The following ACTA2 variants were observed in gnomAD, a reference collection of about 807,000 sequenced individuals.
The protein encoded by ACTA2 is actin alpha 2, smooth muscle, also known as actin, aortic smooth muscle.
A neutral mutation model predicts 39.5 loss-of-function variants in ACTA2; 12 were observed. That is an observed-to-expected ratio of 0.30 (90% CI 0.19 to 0.49). The LOEUF is 0.49. Ranked by LOEUF, ACTA2 falls within the 20% of genes least tolerant of loss-of-function variation. The probability of loss-of-function intolerance (pLI) is 0.99; values close to 1 mark genes in which losing one functional copy is unlikely to be tolerated. For missense variants in ACTA2, 236 were observed against 498.8 expected, an observed-to-expected ratio of 0.47 and a Z score of 5.02; for synonymous variants, 158 against 180.6, an observed-to-expected ratio of 0.88 and a Z score of 1.00.
At chr10:88,948,339 T>G in intron 2 of ACTA2, 1 of 173,630 alleles carries the variant, frequency 5.8e-6, no homozygotes, top group Non-Finnish European at 1.3e-5. Flanking sequence ...AAAATTACCA[T>G]GCGGCTGTCC....
intron 1 of ACTA2, among the ~76,000 whole-genome samples, chr10:88,981,644 G>A (rs1846713966): frequency 6.6e-6 from 1 of 152,148 alleles, no homozygotes; most frequent in African/African-American, 2.4e-5. Flanking sequence ...GGGCAGAGTG[G>A]GAGACGCATC....
chr10:88,939,729 C>T (rs372952308), intron 6 of ACTA2, 31 bp from the exon 7 acceptor site: 1 of 1,612,712 alleles, frequency 6.2e-7, no homozygotes, highest in African/African-American at 1.3e-5. Flanking sequence ...TTGTGGCAAA[C>T]ATTAGGGTCT....
rs774562884 is a variant in ACTA2, at chr10:88,935,186, G to A, written c.*37C>T. ...GGCATAATTCCACAGGACATTCACA[G>A]TTGTGTGCTAGAGACAGAGAGGAGC... On this transcript the variant is annotated 3_prime_UTR_variant, in exon 9 of 9. Transcript: ENST00000224784. The A allele has an allele frequency of 6.2e-6, 10 of 1,611,024 alleles. No individual in the cohort carries two copies. The highest frequency in any genetic ancestry group is 5.0e-5 in the Admixed American group (3 of 59,994).
At chr10:88,937,071 G>C (rs11202905) in intron 8 of ACTA2, among the ~76,000 whole-genome samples, 8 of 152,162 alleles carry the variant, frequency 5.3e-5, no homozygotes, top group Non-Finnish European at 7.3e-5. Context: ...GGAAGTAAGG[G>C]GGGTAAGAGC....
exon 1 of ACTA2, chr10:88,991,045 G>A (rs1430917346): frequency 1.7e-6 from 2 of 1,148,618 alleles, no homozygotes; most frequent in African/African-American, 1.5e-5. Flanking sequence ...GCTGCTGCGG[G>A]AGGCGTTGGA....
chr10:88,990,466 C>T lies in ACTA2; in HGVS notation c.-24+473G>A. 1.9e-6 allele frequency: 1 copy of T among 525,108 alleles called. No homozygotes were observed. 32.5% of individuals were successfully genotyped at this position (525,108 alleles called of 1,614,324 possible). On this transcript the variant is annotated intron_variant, in intron 1 of 4. Coordinates refer to the ACTA2 transcript ENST00000415557. This position sits in a 1 kb window ranked among gnomAD's most constrained non-coding sequence, Gnocchi z 4.9. Reference sequence around the variant, plus strand: ...CATGCCAGCCACTGCAGGAACGCCCCGGGACAGGAATGCCCATTTGTGCAA... The same window carrying T: ...CATGCCAGCCACTGCAGGAACGCCCTGGGACAGGAATGCCCATTTGTGCAA...
At chr10:88,946,294 T>TC (rs397844466) in intron 3 of ACTA2, among the ~76,000 whole-genome samples, 5 of 150,860 alleles carry the variant, frequency 3.3e-5, no homozygotes, top group African/African-American at 7.3e-5. Flanking sequence ...TTTTTTTTTT[T>TC]CAGTAGAAAC....
At chr10:88,942,667 T>A (rs1180684758) in intron 4 of ACTA2, among the ~76,000 whole-genome samples, 2 of 152,126 alleles carry the variant, frequency 1.3e-5, no homozygotes, top group African/African-American at 4.8e-5. Context: ...TCTTCATTTC[T>A]CCATCTGTAA....
intron 1 of ACTA2, among the ~76,000 whole-genome samples, chr10:88,962,918 TATATATATATATATATATATATATATATA>T (rs1846252354): frequency 1.2e-3 from 1 of 868 alleles, no homozygotes; most frequent in Non-Finnish European, 2.0e-3. Flanking sequence ...GCCCCATATA[TATATATATATATATATATATATATATATA>T]TATATATATA....
intron 1 of ACTA2, among the ~76,000 whole-genome samples, chr10:88,985,416 T>A (rs540497566): frequency 6.6e-6 from 1 of 152,240 alleles, no homozygotes; most frequent in African/African-American, 2.4e-5. Flanking sequence ...TTAATACCAC[T>A]ATTGTATTAG....
intron 1 of ACTA2, among the ~76,000 whole-genome samples, chr10:88,977,531 T>A (rs1394671504): frequency 6.6e-6 from 1 of 152,002 alleles, no homozygotes; most frequent in Non-Finnish European, 1.5e-5. Flanking sequence ...GAATCTACAA[T>A]GAACTCAAAC....
In ACTA2 at chr10:88,962,441, A is replaced by G. The variant is rs183562937; in HGVS notation, c.-23-13488T>C. On this transcript the variant is annotated intron_variant, in intron 1 of 4. Coordinates refer to the ACTA2 transcript ENST00000415557. ...AAATGTCATCAAGGATTAGTGGTTT[A>G]AAAAAAGAGGAGATAGTCTCAGTTA... Among the ~76,000 whole-genome samples, 480 of 152,226 alleles carry G rather than the reference A, an allele frequency of 3.2e-3. 5 individuals carry two copies. Among genetic ancestry groups the G allele is most frequent in the African/African-American group, 0.011 (461 of 41,554 alleles).
chr10:88,941,076 G>A, intron 6 of ACTA2, 153 bp downstream of exon 6: 1 of 964,388 alleles, frequency 1.0e-6, no homozygotes, highest in Non-Finnish European at 1.6e-6. Flanking sequence ...ACTTCACACA[G>A]CAAAGAAAGA....
At chr10:88,991,213 G>A (rs934859289) in exon 1 of ACTA2, 1 of 546,480 alleles carries the variant, frequency 1.8e-6, no homozygotes, top group African/African-American at 1.9e-5. Context: ...CCACGTTGAG[G>A]TGGGCGTGGG....
upstream of ACTA2, among the ~76,000 whole-genome samples, chr10:88,954,742 G>A (rs1455610490): frequency 6.6e-6 from 1 of 152,054 alleles, no homozygotes; most frequent in Non-Finnish European, 1.5e-5. Flanking sequence ...AGTTTTTCTT[G>A]CAAGATTTTT....
intron 1 of ACTA2, among the ~76,000 whole-genome samples, chr10:88,952,427 T>C (rs1418077142): frequency 1.2e-4 from 19 of 152,224 alleles, no homozygotes; most frequent in Admixed American, 1.2e-3. Context: ...CTAACCTGCA[T>C]ACCTGTATTG....
At chr10:88,962,949 AT>A (rs1589409807) in intron 1 of ACTA2, among the ~76,000 whole-genome samples, 10 of 14,408 alleles carry the variant, frequency 6.9e-4, no homozygotes, top group African/African-American at 6.4e-3. Context: ...ATATATATAT[AT>A]ATATATATAT....
chr10:88,968,418 T>A lies in ACTA2; in HGVS notation c.-23-19465A>T, dbSNP rs1195535192. Among the ~76,000 whole-genome samples the A allele has an allele frequency of 4.6e-5, 7 of 152,124 alleles. No homozygotes were observed. The East Asian group carries it at 1.4e-3, about 29-fold the overall frequency. On this transcript the variant is annotated intron_variant, in intron 1 of 4. Transcript: ENST00000415557. Reference sequence around the variant, plus strand: ...ACTCATAATGGAGCAATTAAAACCATGTTTGTTTTCCTGAATCCATGACAA... The same window carrying A: ...ACTCATAATGGAGCAATTAAAACCAAGTTTGTTTTCCTGAATCCATGACAA...
At chr10:88,970,364 G>C (rs1846405959) in intron 1 of ACTA2, among the ~76,000 whole-genome samples, 1 of 151,984 alleles carries the variant, frequency 6.6e-6, no homozygotes, top group African/African-American at 2.4e-5. Flanking sequence ...AGTTCCTTTT[G>C]AATGCAGCAA....
Sources: allele counts gnomAD v4.1 joint callset (sites outside exome capture counted in the v4.1 genomes callset), GRCh38; gene constraint gnomAD v4.1.1; non-coding constraint Gnocchi (gnomAD v3.1); transcripts MANE v1.5; gene names NCBI Gene and HGNC (gene_info 2026-07-23, HGNC 2026-07-21).